TRAF3: variants seen among roughly 807,000 people sequenced by gnomAD.
The protein encoded by TRAF3 is TNF receptor associated factor 3.
Under a neutral mutation model 62.3 loss-of-function variants are expected in TRAF3, and 13 were observed. The ratio of observed to expected loss-of-function variants is 0.21; its 90% CI spans 0.14 to 0.33. TRAF3 has a LOEUF of 0.33. Among genes scored for constraint, TRAF3 ranks in the 10% least tolerant of loss-of-function variants. TRAF3 has a pLI of 1.00. For missense variants in TRAF3, 440 were observed against 741.8 expected (o/e 0.59, Z 4.73); for synonymous variants, 269 against 283.4 (o/e 0.95, Z 0.51).
At chr14:102,839,430 G>T (rs544885474) in intron 2 of TRAF3, among the ~76,000 whole-genome samples, 1 of 152,188 alleles carries the variant, frequency 6.6e-6, no homozygotes, top group Non-Finnish European at 1.5e-5. Context: ...TTGTGGGCCT[G>T]ACTGGTCTCA....
intron 1 of TRAF3, among the ~76,000 whole-genome samples, chr14:102,808,580 A>C (rs2139502791): frequency 6.6e-6 from 1 of 152,200 alleles, no homozygotes; most frequent in East Asian, 1.9e-4. Flanking sequence ...GGCAGCCTCC[A>C]AGGGAAGGAA....
chr14:102,888,144 C>A (rs1223089539), intron 7 of TRAF3, among the ~76,000 whole-genome samples: 1 of 152,230 alleles, frequency 6.6e-6, no homozygotes, highest in African/African-American at 2.4e-5. Flanking sequence ...ATAGCGTTGA[C>A]ACTCAGGTTT....
Position 102,903,562 on chromosome 14 carries a change from C to T in TRAF3, c.1135+133C>T, listed in dbSNP as rs745852129. The T allele has an allele frequency of 3.4e-5, 44 of 1,281,314 alleles. No individual in the cohort carries two copies. The highest frequency in any genetic ancestry group is 3.9e-5 in the Admixed American group (2 of 50,776). 79.4% of individuals were successfully genotyped at this position (1,281,314 alleles called of 1,614,324 possible). A position where few individuals can be genotyped will look rare whatever the true frequency, so the allele number is the denominator to read the frequency against. On this transcript the variant is annotated intron_variant, in intron 11 of 11. Transcript: ENST00000392745. The surrounding 1 kb of genome is among the most constrained non-coding windows in gnomAD (Gnocchi z 6.4). ...CAGTTTTTTCTAATTATGGGTAACA[C>T]GCAGAGGTGTGATGACTTTCCTACT...
intron 2 of TRAF3, among the ~76,000 whole-genome samples, chr14:102,843,236 T>C (rs986337555): frequency 1.9e-4 from 29 of 152,094 alleles, no homozygotes; most frequent in African/African-American, 6.5e-4. Flanking sequence ...AATAAATTTT[T>C]AGGCCAATAG....
chr14:102,884,059 G>A (rs893033054), intron 6 of TRAF3, among the ~76,000 whole-genome samples: 5 of 152,220 alleles, frequency 3.3e-5, no homozygotes, highest in Admixed American at 1.3e-4. Flanking sequence ...CAAAGTTGGT[G>A]GCTTGCAAAA....
In TRAF3 at chr14:102,908,547, T is replaced by C. The variant is rs11552465; in HGVS notation, c.*2763T>C. 0.08 allele frequency: 12,190 copies of C among 152,438 alleles called. 818 individuals carry two copies. The highest frequency in any genetic ancestry group is 0.18 in the African/African-American group (7,358 of 41,546). The allele number at this position is 152,438 out of a possible 1,614,324, so 9.4% of individuals were successfully genotyped here. A position where few individuals can be genotyped will look rare whatever the true frequency, so the allele number is the denominator to read the frequency against. ...TGGGCCAGCCTGGGGCCATGGTCTC[T>C]CTGCAGCTGAGGCCCAGTGGCCCCT... is the stretch of plus-strand genomic sequence containing the variant. On this transcript the variant is annotated 3_prime_UTR_variant, in exon 12 of 12. Coordinates refer to ENST00000392745, the MANE Select transcript of TRAF3 (RefSeq NM_145725.3).
chr14:102,835,384 A>G (rs1027251752), intron 2 of TRAF3, among the ~76,000 whole-genome samples: 3 of 152,210 alleles, frequency 2.0e-5, no homozygotes, highest in East Asian at 1.9e-4. Flanking sequence ...TGACCCAGCA[A>G]TCCCATTACT....
chr14:102,788,404 G>A (rs1262127098), intron 1 of TRAF3, among the ~76,000 whole-genome samples: 1 of 152,022 alleles, frequency 6.6e-6, no homozygotes, highest in Non-Finnish European at 1.5e-5. Flanking sequence ...GCCCGCACCT[G>A]TAATTTCAGC....
rs147005517 is a variant in TRAF3, at chr14:102,822,748, G to C, written c.-156-7586G>C. On this transcript the variant is annotated intron_variant, in intron 1 of 11. Coordinates refer to ENST00000392745, the MANE Select transcript of TRAF3 (RefSeq NM_145725.3). ...TGGCCGGGCGCTGTGGCTTATGCCT[G>C]TAATCCCAGCACTTTGGGAGGTGAA... Among the ~76,000 whole-genome samples, 1,131 of 152,348 alleles carry C rather than the reference G, an allele frequency of 7.4e-3. 8 individuals carry two copies. The highest frequency in any genetic ancestry group is 0.012 in the Non-Finnish European group (843 of 68,040).
chr14:102,885,228 C>T (rs1478521017), intron 6 of TRAF3, among the ~76,000 whole-genome samples: 1 of 152,240 alleles, frequency 6.6e-6, no homozygotes, highest in Admixed American at 6.5e-5. Context: ...CGCTGCCCTC[C>T]TCAGCCCTCA....
intron 1 of TRAF3, among the ~76,000 whole-genome samples, chr14:102,815,989 G>A (rs764174589): frequency 1.3e-5 from 2 of 151,916 alleles, no homozygotes; most frequent in South Asian, 2.1e-4. Context: ...GAGCCAAACC[G>A]TATTACTATT....
chr14:102,848,339 G>A (rs953868265), intron 2 of TRAF3, among the ~76,000 whole-genome samples: 4 of 152,302 alleles, frequency 2.6e-5, no homozygotes, highest in East Asian at 1.9e-4. Flanking sequence ...TGAGGCAGGC[G>A]GATCACTTGA....
chr14:102,806,346 G>A (rs902200495), intron 1 of TRAF3, among the ~76,000 whole-genome samples: 1 of 152,088 alleles, frequency 6.6e-6, no homozygotes, highest in African/African-American at 2.4e-5. Flanking sequence ...AACAGCAGAG[G>A]GCACTTGGAG....
chr14:102,829,437 T>C (rs1219594795), intron 1 of TRAF3, among the ~76,000 whole-genome samples: 1 of 152,242 alleles, frequency 6.6e-6, no homozygotes, highest in Non-Finnish European at 1.5e-5. Context: ...CAACAGAATA[T>C]GGTTGAGACA....
chr14:102,906,325 A>C lies in TRAF3; in HGVS notation c.*541A>C, dbSNP rs1464074356. On this transcript the variant is annotated 3_prime_UTR_variant, in exon 12 of 12. Transcript: ENST00000392745. Reference sequence around the variant, plus strand: ...TCTGTTTTAATAATTTGTTTGTCAGAAGACCCTGAAGTATATACCTAGGTC... The same window carrying C: ...TCTGTTTTAATAATTTGTTTGTCAGCAGACCCTGAAGTATATACCTAGGTC... The C allele has an allele frequency of 6.5e-6, 1 of 153,410 alleles. No individual in the cohort carries two copies. The highest frequency in any genetic ancestry group is 1.9e-4 in the East Asian group (1 of 5,212). 9.5% of individuals were successfully genotyped at this position (153,410 alleles called of 1,614,324 possible).
chr14:102,797,351 C>T (rs1426515609), intron 1 of TRAF3, among the ~76,000 whole-genome samples: 2 of 152,172 alleles, frequency 1.3e-5, no homozygotes, highest in Non-Finnish European at 2.9e-5. Flanking sequence ...GATGAGGTCT[C>T]ATCAAGCTTT....
At chr14:102,838,105 A>G (rs893342364) in intron 2 of TRAF3, among the ~76,000 whole-genome samples, 1 of 152,252 alleles carries the variant, frequency 6.6e-6, no homozygotes, top group Non-Finnish European at 1.5e-5. Flanking sequence ...CCGCTTAGTA[A>G]CGTATCGTGT....
intron 6 of TRAF3, among the ~76,000 whole-genome samples, chr14:102,885,097 A>G (rs545611910): frequency 2.6e-5 from 4 of 152,096 alleles, no homozygotes; most frequent in African/African-American, 4.8e-5. Flanking sequence ...CCCCATCCCT[A>G]TTCTGCCGCA....
At chr14:102,819,838 A>AT (rs1566754450) in intron 1 of TRAF3, among the ~76,000 whole-genome samples, 1 of 152,262 alleles carries the variant, frequency 6.6e-6, no homozygotes, top group African/African-American at 2.4e-5. Flanking sequence ...CAGTGAGACT[A>AT]TGAATAGCTT....
Sources: allele counts gnomAD v4.1 joint callset (sites outside exome capture counted in the v4.1 genomes callset), GRCh38; gene constraint gnomAD v4.1.1; non-coding constraint Gnocchi (gnomAD v3.1); transcripts MANE v1.5; gene names NCBI Gene and HGNC (gene_info 2026-07-23, HGNC 2026-07-21).